Variants in ADAM12 observed in about 807,000 individuals in gnomAD.
The protein encoded by ADAM12 is ADAM metallopeptidase domain 12.
Under a neutral mutation model 106.4 loss-of-function variants are expected in ADAM12, and 70 were observed. The observed-to-expected ratio is 0.66, with a 90% CI of 0.54 to 0.80. The LOEUF is 0.80. ADAM12 is among the 30% of genes least tolerant of loss of function. ADAM12 has a pLI of 0.00. For synonymous variants in ADAM12, 420 were observed against 433.5 expected (o/e 0.97, Z 0.39); for missense variants, 1,010 against 1,171.9 (o/e 0.86, Z 2.02).
chr10:126,245,480 TA>T (rs1185891294), intron 3 of ADAM12, among the ~76,000 whole-genome samples: 1 of 151,930 alleles, frequency 6.6e-6, no homozygotes, highest in African/African-American at 2.4e-5. Context: ...CTTTAGAAGA[TA>T]GGGGGACCAT....
intron 1 of ADAM12, among the ~76,000 whole-genome samples, chr10:126,350,244 G>A (rs890373073): frequency 6.8e-6 from 1 of 147,476 alleles, no homozygotes; most frequent in Non-Finnish European, 1.5e-5. Flanking sequence ...CATGTCAAGG[G>A]CTGGGTGGGG....
intron 21 of ADAM12, among the ~76,000 whole-genome samples, chr10:126,029,425 C>T (rs1179027984): frequency 1.3e-5 from 2 of 152,190 alleles, no homozygotes; most frequent in Non-Finnish European, 2.9e-5. Flanking sequence ...GGAATGAGAT[C>T]ATGTCTTTTG....
rs551271137 is a variant in ADAM12 at position 126,184,996 on chromosome 10, C to T, written c.261-29691G>A. 1.0e-3 allele frequency among the ~76,000 whole-genome samples: 158 copies of T among 152,302 alleles called. 1 individual carries two copies. The highest frequency in any genetic ancestry group is 2.0e-3 in the Non-Finnish European group (135 of 68,014). ...GACCAAGCCAACATGGCACCCTGAC[C>T]GTGATCTCTTATTGGATTAAACCTA... On this transcript the variant is annotated intron_variant, in intron 3 of 22. Coordinates refer to ENST00000448723, the MANE Select transcript of ADAM12 (RefSeq NM_001288973.2).
At chr10:126,185,709 T>G (rs1377773519) in intron 3 of ADAM12, among the ~76,000 whole-genome samples, 1 of 151,716 alleles carries the variant, frequency 6.6e-6, no homozygotes, top group East Asian at 1.9e-4. Context: ...CAGAGATGAT[T>G]TGAGTGAGAA....
In ADAM12 at chr10:126,362,174, A is replaced by T. The variant is rs767992565; in HGVS notation, c.88+25884T>A. On this transcript the variant is annotated intron_variant, in intron 1 of 22. Coordinates refer to ENST00000448723, the MANE Select transcript of ADAM12 (RefSeq NM_001288973.2). ...AAGACATACTCCAAATGACCAACAG[A>T]TATATGAAAAAAAGTCCAACATAAA... 2.0e-5 allele frequency among the ~76,000 whole-genome samples: 3 copies of T among 152,288 alleles called. No individual in the cohort carries two copies. The South Asian group carries it at 6.2e-4, about 32-fold the overall frequency.
chr10:126,185,212 C>G (rs1957379185), intron 3 of ADAM12, among the ~76,000 whole-genome samples: 1 of 152,180 alleles, frequency 6.6e-6, no homozygotes, highest in South Asian at 2.1e-4. Context: ...TTTTGAGGTC[C>G]ATGAAGAAAG....
At chr10:126,185,104 G>C (rs533526451) in intron 3 of ADAM12, among the ~76,000 whole-genome samples, 96 of 152,266 alleles carry the variant, frequency 6.3e-4, no homozygotes, top group Non-Finnish European at 1.1e-3. Flanking sequence ...TCTTGCACAT[G>C]GTCTGGATTT....
At chr10:126,171,005 T>C (rs1018233051) in intron 3 of ADAM12, among the ~76,000 whole-genome samples, 1 of 152,232 alleles carries the variant, frequency 6.6e-6, no homozygotes, top group East Asian at 1.9e-4. Context: ...CTCTCCAGGA[T>C]AAAGGCCACA....
intron 1 of ADAM12, among the ~76,000 whole-genome samples, chr10:126,367,401 A>T (rs1200392637): frequency 6.6e-6 from 1 of 151,960 alleles, no homozygotes; most frequent in Non-Finnish European, 1.5e-5. Flanking sequence ...CAAATTTGTA[A>T]TATTCAGCTA....
intron 21 of ADAM12, among the ~76,000 whole-genome samples, chr10:126,025,873 A>G (rs986606496): frequency 6.6e-6 from 1 of 152,208 alleles, no homozygotes; most frequent in Admixed American, 6.5e-5. Context: ...TCCAAGGTCA[A>G]AATGAAAGAA....
chr10:126,196,671 T>C (rs1216251303), intron 3 of ADAM12, among the ~76,000 whole-genome samples: 1 of 152,136 alleles, frequency 6.6e-6, no homozygotes, highest in Non-Finnish European at 1.5e-5. Flanking sequence ...CTCAAATAAC[T>C]ACAATACATA....
At chr10:126,248,059 C>T (rs937521908) in intron 3 of ADAM12, among the ~76,000 whole-genome samples, 8 of 152,204 alleles carry the variant, frequency 5.3e-5, no homozygotes, top group Non-Finnish European at 1.2e-4. Context: ...TGGCCCTGCA[C>T]CTGCTGGTGG....
chr10:126,085,757 T>C (rs1242544639), intron 11 of ADAM12, among the ~76,000 whole-genome samples: 2 of 152,226 alleles, frequency 1.3e-5, no homozygotes, highest in Non-Finnish European at 2.9e-5. Flanking sequence ...CTCCCATCCA[T>C]GCATCCATCA....
chr10:126,017,307 C>T lies in ADAM12; in HGVS notation c.2693G>A (p.Arg898Lys), dbSNP rs1434382891. 1.3e-6 allele frequency: 2 copies of T among 1,593,508 alleles called. No homozygotes were observed. The highest frequency in any genetic ancestry group is 4.5e-5 in the East Asian group (2 of 44,452). ...CTTAATATAGGCGGTGTGGGTGGAT[C>T]TGGGCACTTGGTGTGGATATTGTGG... ...PAPQYPHQVP[R>K]STHTAYIK Residue 898 changes from arginine to lysine, a missense_variant, in exon 23 of 23, where the codon AGA (arginine) becomes AAA (lysine). By Grantham distance (26) the Arg-to-Lys change is conservative. Coordinates refer to ENST00000448723, the MANE Select transcript of ADAM12 (RefSeq NM_001288973.2).
At chr10:126,338,292 G>A (rs986691937) in intron 1 of ADAM12, among the ~76,000 whole-genome samples, 6 of 118,876 alleles carry the variant, frequency 5.0e-5, no homozygotes, top group South Asian at 2.7e-4. Context: ...TCGCTCTGTC[G>A]CCCAGGCTGG....
In ADAM12 at chr10:126,302,173, AC is replaced by A. The variant is rs138710088; in HGVS notation, c.187-23186del. Among the ~76,000 whole-genome samples, 34 of 151,640 alleles carry A rather than the reference AC, an allele frequency of 2.2e-4. No homozygotes were observed. The East Asian group carries it at 5.6e-3, about 25-fold the overall frequency. ...TTGTTCCTCAAACCCCACCAACCCC[AC>A]CCCCAGGGTTTTGTCCGTCCAAACT... On this transcript the variant is annotated intron_variant, in intron 2 of 22. Transcript: ENST00000448723.
At chr10:126,025,895 G>T (rs533563247) in intron 21 of ADAM12, among the ~76,000 whole-genome samples, 1 of 152,150 alleles carries the variant, frequency 6.6e-6, no homozygotes, top group African/African-American at 2.4e-5. Context: ...AAATGTTAAG[G>T]GCAGCCAGAG....
chr10:126,352,847 A>G (rs2133889309), intron 1 of ADAM12, among the ~76,000 whole-genome samples: 1 of 152,366 alleles, frequency 6.6e-6, no homozygotes, highest in Non-Finnish European at 1.5e-5. Flanking sequence ...ATCCAGATTC[A>G]AGGTGGGATA....
rs7916488 is a variant in ADAM12 at position 126,266,958 on chromosome 10, C to T, written c.260+11957G>A. The stretch of plus-strand genomic sequence containing the variant: ...CACCTCCAACACTGGGGATTACAAC[C>T]GAACAGGAGATTTGATGGGACACAG... On this transcript the variant is annotated intron_variant, in intron 3 of 22. Transcript: ENST00000448723. Among the ~76,000 whole-genome samples, 8 of 152,248 alleles carry T rather than the reference C, an allele frequency of 5.3e-5. No homozygotes were observed. In the East Asian group the frequency reaches 5.8e-4, roughly 11 times the overall value.
Sources: allele counts gnomAD v4.1 joint callset (sites outside exome capture counted in the v4.1 genomes callset), GRCh38; gene constraint gnomAD v4.1.1; transcripts MANE v1.5; gene names NCBI Gene and HGNC (gene_info 2026-07-23, HGNC 2026-07-21).